CACNA1I: variants seen among roughly 807,000 people sequenced by gnomAD.
The protein encoded by CACNA1I is calcium voltage-gated channel subunit alpha1 I.
A neutral mutation model predicts 201.6 loss-of-function variants in CACNA1I; 74 were observed. The observed-to-expected ratio is 0.37, with a 90% CI of 0.30 to 0.45. The LOEUF is 0.45. Among genes scored for constraint, CACNA1I ranks in the 20% least tolerant of loss-of-function variants. CACNA1I has a pLI of 1.00. For synonymous variants in CACNA1I, 1,431 were observed against 1,345.2 expected, an observed-to-expected ratio of 1.06 and a Z score of -1.40; for missense variants, 2,346 against 3,138.1, an observed-to-expected ratio of 0.75 and a Z score of 6.03.
At chr22:39,626,446 G>T (rs963875973) in intron 4 of CACNA1I, among the ~76,000 whole-genome samples, 5 of 152,184 alleles carry the variant, frequency 3.3e-5, no homozygotes, top group Non-Finnish European at 7.4e-5. Context: ...GTTGGAGAGG[G>T]TGTGCCTGGC....
intron 1 of CACNA1I, among the ~76,000 whole-genome samples, chr22:39,576,436 C>A (rs995691166): frequency 6.6e-5 from 10 of 152,240 alleles, no homozygotes; most frequent in South Asian, 2.1e-4. Context: ...GGCATCAAAA[C>A]CCCGATTTCT....
In CACNA1I at chr22:39,688,464, C is replaced by T. The variant is rs1303189308; in HGVS notation, c.*2059C>T. On this transcript the variant is annotated 3_prime_UTR_variant, in exon 37 of 37. Coordinates refer to ENST00000402142, the MANE Select transcript of CACNA1I (RefSeq NM_021096.4). The surrounding 1 kb of genome is among the most constrained non-coding windows in gnomAD (Gnocchi z 4.8). ...TTGACTGCTCCTGGCTGACCCTGAG[C>T]TCTCGCAGTTGGAGGGAAGCAGACA... The T allele has an allele frequency of 6.6e-6, 1 of 152,180 alleles. No homozygotes were observed. Among genetic ancestry groups the T allele is most frequent in the East Asian group, 1.9e-4 (1 of 5,182 alleles). The allele number at this position is 152,180 out of a possible 1,614,324, so 9.4% of individuals were successfully genotyped here.
intron 4 of CACNA1I, among the ~76,000 whole-genome samples, chr22:39,632,620 G>A (rs1394362285): frequency 1.3e-5 from 2 of 152,178 alleles, no homozygotes; most frequent in African/African-American, 4.8e-5. Flanking sequence ...AATGGGTCTT[G>A]TTTGTCTTTG....
At chr22:39,598,944 T>TTTG (rs1932957870) in intron 2 of CACNA1I, among the ~76,000 whole-genome samples, 1 of 120,400 alleles carries the variant, frequency 8.3e-6, no homozygotes, top group Non-Finnish European at 1.8e-5. Flanking sequence ...CTCTTGGGTT[T>TTTG]TTTTTTTTTT....
At chr22:39,618,733 AG>A (rs545905726) in intron 3 of CACNA1I, among the ~76,000 whole-genome samples, 56 of 137,758 alleles carry the variant, frequency 4.1e-4, no homozygotes, top group African/African-American at 1.5e-3. Flanking sequence ...GATGGGGGGC[AG>A]GGGGGGTCAT....
At chr22:39,598,299 C>CCCTA in intron 2 of CACNA1I, 37 bp downstream of exon 2, 1 of 870,234 alleles carries the variant, frequency 1.1e-6, no homozygotes, top group Non-Finnish European at 1.6e-6. Flanking sequence ...GCCCTGCCCT[C>CCCTA]ATCCTCCAGG....
intron 33 of CACNA1I, 70 bp downstream of exon 33, chr22:39,679,938 G>A (rs1601529976): frequency 1.1e-5 from 16 of 1,486,830 alleles, no homozygotes; most frequent in African/African-American, 2.8e-5. Flanking sequence ...GGGCCTGTCC[G>A]AGGGCAGAGC....
intron 5 of CACNA1I, among the ~76,000 whole-genome samples, chr22:39,637,384 G>A (rs1320063027): frequency 6.6e-6 from 1 of 152,132 alleles, no homozygotes; most frequent in Non-Finnish European, 1.5e-5. Context: ...CAGGCAGATG[G>A]GGGGACAGGG....
Position 39,686,505 on chromosome 22 carries a change from C to A in CACNA1I, c.*100C>A. 1.1e-6 allele frequency: 1 copy of A among 938,404 alleles called. No homozygotes were observed. The highest frequency in any genetic ancestry group is 1.4e-6 in the Non-Finnish European group (1 of 730,186). The allele number at this position is 938,404 out of a possible 1,614,324, so 58.1% of individuals were successfully genotyped here. A position where few individuals can be genotyped will look rare whatever the true frequency, so the allele number is the denominator to read the frequency against. ...GCAATACTTCGTCCACACCTGGGAT[C>A]GCGCAGGGCCCGCAGGGCACAGGCG... On this transcript the variant is annotated 3_prime_UTR_variant, in exon 37 of 37. Transcript: ENST00000402142.
chr22:39,634,993 T>G lies in CACNA1I; in HGVS notation c.740+269T>G, dbSNP rs925920756. On this transcript the variant is annotated intron_variant, in intron 5 of 36. Coordinates refer to ENST00000402142, the MANE Select transcript of CACNA1I (RefSeq NM_021096.4). ...TGGTGGCTGAGTCATCCAGGAAGGG[T>G]GAGCTCCCATTTGGCCGCTTGTGTA... Among the ~76,000 whole-genome samples the G allele has an allele frequency of 7.9e-5, 12 of 152,032 alleles. No homozygotes were observed. In the East Asian group the frequency reaches 2.3e-3, roughly 29 times the overall value.
chr22:39,632,731 G>A lies in CACNA1I; in HGVS notation c.581-1834G>A, dbSNP rs1266504679. On this transcript the variant is annotated intron_variant, in intron 4 of 36. Transcript: ENST00000402142. ...TGAATGAATGAATGAATGAATGAAC[G>A]ATGGGGCACCAGAAAGGCCTGCAGT... Among the ~76,000 whole-genome samples, 5 of 152,226 alleles carry A rather than the reference G, an allele frequency of 3.3e-5. No homozygotes were observed. The East Asian group carries it at 5.8e-4, about 18-fold the overall frequency.
rs1204889048 is a variant in CACNA1I, at chr22:39,659,043, G to A, written c.2257G>A (p.Val753Met). The A allele has an allele frequency of 4.3e-6, 7 of 1,613,112 alleles. No individual in the cohort carries two copies. The highest frequency in any genetic ancestry group is 5.9e-6 in the Non-Finnish European group (7 of 1,179,742). The change falls in exon 12 of 37, where the codon GTG becomes ATG. Residue 753 changes from valine (V) to methionine (M), a missense_variant. By Grantham distance (21) the Val-to-Met change is conservative (BLOSUM62 1). This residue lies in a region of CACNA1I where 155 missense variants were observed against 300.8 expected (regional missense o/e 0.52). Coordinates refer to ENST00000402142, the MANE Select transcript of CACNA1I (RefSeq NM_021096.4). The surrounding 1 kb of genome is among the most constrained non-coding windows in gnomAD (Gnocchi z 4.3). ...CATGCCTGCCCTGCGGCGCCAGCTC[G>A]TGGTGCTCATGAAGACCATGGACAA... ...RFMPALRRQL[V>M]VLMKTMDNVA...
intron 3 of CACNA1I, among the ~76,000 whole-genome samples, chr22:39,614,143 G>A (rs114416294): frequency 0.017 from 2,628 of 152,208 alleles, 77 homozygotes; most frequent in African/African-American, 0.06. Flanking sequence ...CCACCATGCT[G>A]GGCCTGACAT....
At chr22:39,575,749 A>G (rs1932324794) in intron 1 of CACNA1I, among the ~76,000 whole-genome samples, 1 of 151,202 alleles carries the variant, frequency 6.6e-6, no homozygotes, top group Non-Finnish European at 1.5e-5. Context: ...ACCCTAGATT[A>G]GACTTTCAGA....
rs749531032 is a variant in CACNA1I at position 39,659,849 on chromosome 22, G to A, written c.2601G>A (p.Ala867=). The change falls in exon 14 of 37, where the codon GCG becomes GCA. Residue 867 remains alanine (A), a synonymous_variant. Transcript: ENST00000402142. This position sits in a 1 kb window ranked among gnomAD's most constrained non-coding sequence, Gnocchi z 4.3. Reference sequence around the variant, plus strand: ...CCATCCTGGTGGAGGGCTTCCAGGCGGAGGTGACTGTGGTCTTGGCAGAGG... The same window carrying A: ...CCATCCTGGTGGAGGGCTTCCAGGCAGAGGTGACTGTGGTCTTGGCAGAGG... The part of the protein sequence containing the change: ...LVAILVEGFQ[A]EGDANRSYSD... 2.5e-5 allele frequency: 41 copies of A among 1,613,702 alleles called. No homozygotes were observed. The highest frequency in any genetic ancestry group is 2.4e-4 in the East Asian group (11 of 44,898).
chr22:39,672,350 G>A, intron 27 of CACNA1I, 42 bp downstream of exon 27: 1 of 1,318,876 alleles, frequency 7.6e-7, no homozygotes, highest in Non-Finnish European at 1.1e-6. Flanking sequence ...AGGGTAGACT[G>A]CAGGATGAAG....
intron 1 of CACNA1I, among the ~76,000 whole-genome samples, chr22:39,578,183 C>A (rs73885276): frequency 0.069 from 10,500 of 152,076 alleles, 442 homozygotes; most frequent in African/African-American, 0.1. Flanking sequence ...AGAGGAATGG[C>A]GCCATCTCTG....
rs761624878 is a variant in CACNA1I at position 39,658,318 on chromosome 22, A to C, written c.2144+15A>C. 1.2e-6 allele frequency: 2 copies of C among 1,611,116 alleles called. No homozygotes were observed. The highest frequency in any genetic ancestry group is 2.2e-5 in the South Asian group (2 of 90,866). Reference sequence around the variant, plus strand: ...GTCATCATCAGGTACCCCTCCCCCAACCCACCCGGCAGCAGAGTGCCTCGG... The same window carrying C: ...GTCATCATCAGGTACCCCTCCCCCACCCCACCCGGCAGCAGAGTGCCTCGG... On this transcript the variant is annotated intron_variant, in intron 11 of 36. Transcript: ENST00000402142.
At chr22:39,663,432 T>C (rs906301962) in intron 18 of CACNA1I, among the ~76,000 whole-genome samples, 1 of 151,900 alleles carries the variant, frequency 6.6e-6, no homozygotes, top group Non-Finnish European at 1.5e-5. Flanking sequence ...AAGCAGAGGG[T>C]ACTAGGCAGC....
Sources: allele counts gnomAD v4.1 joint callset (sites outside exome capture counted in the v4.1 genomes callset), GRCh38; gene constraint gnomAD v4.1.1; regional missense constraint gnomAD v4.1.1; non-coding constraint Gnocchi (gnomAD v3.1); transcripts MANE v1.5; gene names NCBI Gene and HGNC (gene_info 2026-07-23, HGNC 2026-07-21).